Variants in NPAS2 observed in about 807,000 individuals in gnomAD.
The protein encoded by NPAS2 is neuronal PAS domain protein 2, also known as neuronal PAS domain-containing protein 2.
Under a neutral mutation model 107.5 loss-of-function variants are expected in NPAS2, and 23 were observed. That is an observed-to-expected ratio of 0.21 (90% CI 0.15 to 0.30). NPAS2 has a LOEUF of 0.30. NPAS2 is among the 10% of genes least tolerant of loss of function. The pLI, the probability that NPAS2 is intolerant of heterozygous loss-of-function variation, is 1.00. For synonymous variants in NPAS2, 403 were observed against 417.5 expected, an observed-to-expected ratio of 0.97 and a Z score of 0.42; for missense variants, 756 against 1,043.3, an observed-to-expected ratio of 0.72 and a Z score of 3.79.
chr2:100,867,107 C>T (rs958580219), intron 1 of NPAS2, among the ~76,000 whole-genome samples: 3 of 152,116 alleles, frequency 2.0e-5, no homozygotes, highest in Admixed American at 2.0e-4. Flanking sequence ...TGACCTAAAA[C>T]AGCGTCTTCC....
intron 18 of NPAS2, 151 bp from the exon 19 acceptor site, chr2:100,990,629 T>A (rs1678055818): frequency 1.1e-6 from 1 of 947,642 alleles, no homozygotes; most frequent in Non-Finnish European, 1.6e-6. Flanking sequence ...GGTTACCCGC[T>A]GCGTCCATCA....
chr2:100,871,456 G>C (rs896604050), intron 1 of NPAS2, among the ~76,000 whole-genome samples: 5 of 151,442 alleles, frequency 3.3e-5, no homozygotes, highest in Admixed American at 6.6e-5. Context: ...CCAGCCTCCT[G>C]AGTAGCTGGA....
chr2:100,867,410 T>A (rs769790164), intron 1 of NPAS2, among the ~76,000 whole-genome samples: 2 of 152,230 alleles, frequency 1.3e-5, no homozygotes, highest in African/African-American at 4.8e-5. Flanking sequence ...GAAACTTTTA[T>A]CTTTGTTTTG....
chr2:100,819,656 C>G (rs541008824), upstream of NPAS2, among the ~76,000 whole-genome samples: 23 of 152,318 alleles, frequency 1.5e-4, no homozygotes, highest in Middle Eastern at 3.4e-3. This position sits in a 1 kb window ranked among gnomAD's most constrained non-coding sequence, Gnocchi z 5.8. Flanking sequence ...AGGGTGGCGG[C>G]CCGCACTGCG....
chr2:100,869,994 TC>T (rs1679481436), intron 1 of NPAS2, among the ~76,000 whole-genome samples: 2 of 144,468 alleles, frequency 1.4e-5, no homozygotes, highest in African/African-American at 5.2e-5. Context: ...AAGCTCTGCC[TC>T]CCGGGTTCAC....
chr2:100,883,398 T>C (rs1680499588), intron 1 of NPAS2, among the ~76,000 whole-genome samples: 1 of 151,856 alleles, frequency 6.6e-6, no homozygotes, highest in African/African-American at 2.4e-5. Context: ...GACTGGAGGG[T>C]GGGAATGAGG....
intron 19 of NPAS2, 77 bp downstream of exon 19, chr2:100,990,949 G>A: frequency 8.1e-7 from 1 of 1,230,768 alleles, no homozygotes; most frequent in Non-Finnish European, 1.2e-6. Flanking sequence ...ACCCGCCTGG[G>A]CCAGCAGCAC....
chr2:100,948,990 C>T (rs912719250), intron 6 of NPAS2, among the ~76,000 whole-genome samples: 1 of 152,132 alleles, frequency 6.6e-6, no homozygotes, highest in African/African-American at 2.4e-5. Context: ...TCTGTCCTGT[C>T]GTACATCTGA....
At chr2:100,952,916 AAAAG>A (rs1446175175) in intron 7 of NPAS2, among the ~76,000 whole-genome samples, 1 of 149,878 alleles carries the variant, frequency 6.7e-6, no homozygotes, top group Non-Finnish European at 1.5e-5. Flanking sequence ...TGGCAAATTT[AAAAG>A]AAAGAGTGCG....
intron 1 of NPAS2, among the ~76,000 whole-genome samples, chr2:100,839,407 G>A (rs955767845): frequency 1.3e-5 from 2 of 152,142 alleles, no homozygotes. Context: ...GGGATTACAG[G>A]TGTGAGCCAC....
intron 2 of NPAS2, among the ~76,000 whole-genome samples, chr2:100,914,926 T>C (rs1413751013): frequency 6.6e-6 from 1 of 151,996 alleles, no homozygotes; most frequent in Non-Finnish European, 1.5e-5. Context: ...AGTTCACCAT[T>C]TTTTCCCCTG....
intron 3 of NPAS2, among the ~76,000 whole-genome samples, chr2:100,931,431 A>G (rs1683947800): frequency 6.6e-6 from 1 of 151,068 alleles, no homozygotes; most frequent in African/African-American, 2.4e-5. Context: ...TGCTGGGAAC[A>G]TTGGGTTTTG....
At position 100,950,907 on chromosome 2, in the gene NPAS2, A is replaced by G. The variant is rs149849621; in HGVS notation, c.598+1427A>G. Among the ~76,000 whole-genome samples the G allele has an allele frequency of 2.6e-3, 400 of 152,324 alleles. 2 individuals are homozygous for G. The highest frequency in any genetic ancestry group is 9.2e-3 in the African/African-American group (383 of 41,578). On this transcript the variant is annotated intron_variant, in intron 7 of 20. Coordinates refer to ENST00000335681, the MANE Select transcript of NPAS2 (RefSeq NM_002518.4). ...ATGAAATGAATGTTTAATGAACCAC[A>G]CAAAGAAGTAAATGGAAGCTCTCGT...
chr2:100,877,210 A>G (rs934043555), intron 1 of NPAS2, among the ~76,000 whole-genome samples: 2 of 152,210 alleles, frequency 1.3e-5, no homozygotes, highest in Non-Finnish European at 2.9e-5. Context: ...TTATGCCTGT[A>G]ATCCCAGCAC....
At chr2:100,885,815 C>T (rs1025920565) in intron 1 of NPAS2, among the ~76,000 whole-genome samples, 1 of 152,170 alleles carries the variant, frequency 6.6e-6, no homozygotes, top group Non-Finnish European at 1.5e-5. Flanking sequence ...GCTGGGATTA[C>T]AGGCACCTGG....
intron 3 of NPAS2, among the ~76,000 whole-genome samples, chr2:100,931,677 G>A (rs1222474442): frequency 1.3e-5 from 2 of 151,906 alleles, no homozygotes; most frequent in African/African-American, 2.4e-5. Flanking sequence ...TAGTAGAGAC[G>A]GGGTTTCACC....
chr2:100,908,626 A>G (rs1020201210), intron 2 of NPAS2, among the ~76,000 whole-genome samples: 1 of 152,234 alleles, frequency 6.6e-6, no homozygotes, highest in African/African-American at 2.4e-5. Flanking sequence ...ACTTTGCCGT[A>G]TTGCAAAATC....
At position 100,935,136 on chromosome 2, in the gene NPAS2, A is replaced by C. The variant is rs540240943; in HGVS notation, c.273+2135A>C. ...GGCTGCAGACCAGCCAAGCTGGTAA[A>C]GTATCAGCTGGCAAAGACTGTGGCT... On this transcript the variant is annotated intron_variant, in intron 4 of 20. Coordinates refer to ENST00000335681, the MANE Select transcript of NPAS2 (RefSeq NM_002518.4). The C allele has an allele frequency of 3.1e-4, 303 of 971,598 alleles. 2 individuals carry two copies. In the African/African-American group the frequency reaches 4.9e-3, roughly 16 times the overall value. The allele number at this position is 971,598 out of a possible 1,614,324, so 60.2% of individuals were successfully genotyped here. A position where few individuals can be genotyped will look rare whatever the true frequency, so the allele number is the denominator to read the frequency against.
At chr2:100,819,991 G>A (rs528005966), upstream of NPAS2, among the ~76,000 whole-genome samples, 49 of 150,848 alleles carry the variant, frequency 3.2e-4, no homozygotes, top group South Asian at 6.7e-3. This position sits in a 1 kb window ranked among gnomAD's most constrained non-coding sequence, Gnocchi z 5.8. Context: ...CCCAGGCTGG[G>A]TCGGGGCCAG....
Sources: allele counts gnomAD v4.1 joint callset (sites outside exome capture counted in the v4.1 genomes callset), GRCh38; gene constraint gnomAD v4.1.1; non-coding constraint Gnocchi (gnomAD v3.1); transcripts MANE v1.5; gene names NCBI Gene and HGNC (gene_info 2026-07-23, HGNC 2026-07-21).